The following SUGP1 variants were observed in gnomAD, a reference collection of about 807,000 sequenced individuals.
SUGP1 encodes the protein SURP and G-patch domain containing 1, also known as SURP and G-patch domain-containing protein 1.
SUGP1 carries 34 observed loss-of-function variants against 76.5 expected under a neutral mutation model. That is an observed-to-expected ratio of 0.44 (90% confidence interval 0.34 to 0.59). SUGP1 has a LOEUF of 0.59. Among genes scored for constraint, SUGP1 ranks in the 20% least tolerant of loss-of-function variants. SUGP1 has a pLI of 0.01. For missense variants in SUGP1, 752 were observed against 851.7 expected (o/e 0.88, Z 1.46); for synonymous variants, 326 against 326.2 (o/e 1.00, Z 0.01).
intron 2 of SUGP1, among the ~76,000 whole-genome samples, chr19:19,313,885 C>G (rs962021266): frequency 6.6e-6 from 1 of 152,064 alleles, no homozygotes; most frequent in Non-Finnish European, 1.5e-5. Context: ...TGCCTGTAAT[C>G]CTAGCACTTA....
chr19:19,277,253 G>GGT (rs891075731), intron 12 of SUGP1, among the ~76,000 whole-genome samples, 177 bp from the exon 13 acceptor site: 4 of 146,864 alleles, frequency 2.7e-5, no homozygotes, highest in Non-Finnish European at 6.1e-5. Context: ...GGGGCGGGCG[G>GGT]GGGGGGGGGG....
chr19:19,295,684 C>T (rs1006735120), intron 8 of SUGP1, among the ~76,000 whole-genome samples: 1 of 151,036 alleles, frequency 6.6e-6, no homozygotes, highest in Non-Finnish European at 1.5e-5. Flanking sequence ...GCACTGCAGC[C>T]TGGGCAACAG....
chr19:19,277,126 CG>C, intron 12 of SUGP1, 50 bp from the exon 13 acceptor site: 8 of 1,565,066 alleles, frequency 5.1e-6, no homozygotes, highest in Non-Finnish European at 3.4e-6. Flanking sequence ...GAACTCTGGC[CG>C]GGGGGCCGGG....
Position 19,312,379 on chromosome 19 carries a change from A to G in SUGP1, c.207-2179T>C, listed in dbSNP as rs914900801. ...AAATAAGGCTGTGATCACAGCACAC[A>G]CTCTACTTCTTCCATTTCCTACTGT... On this transcript the variant is annotated intron_variant, in intron 2 of 13. Transcript: ENST00000247001. Among the ~76,000 whole-genome samples the G allele has an allele frequency of 9.9e-5, 15 of 152,138 alleles. No individual in the cohort carries two copies. The East Asian group carries it at 1.4e-3, about 14-fold the overall frequency.
Position 19,281,977 on chromosome 19 carries a change from G to C in SUGP1, c.1244-1686C>G, listed in dbSNP as rs367788501. Reference sequence around the variant, plus strand: ...TTGTGCTTATCGTTGTCTGTCTCTTGAACTTTCTTTCATTTTTCCCGAGAT... The same window carrying C: ...TTGTGCTTATCGTTGTCTGTCTCTTCAACTTTCTTTCATTTTTCCCGAGAT... On this transcript the variant is annotated intron_variant, in intron 8 of 13. Transcript: ENST00000247001. 4.4e-4 allele frequency among the ~76,000 whole-genome samples: 67 copies of C among 152,128 alleles called. No homozygotes were observed. The South Asian group carries it at 4.8e-3, about 11-fold the overall frequency.
At chr19:19,311,140 C>G (rs894773127) in intron 2 of SUGP1, among the ~76,000 whole-genome samples, 2 of 151,244 alleles carry the variant, frequency 1.3e-5, no homozygotes, top group African/African-American at 2.4e-5. Flanking sequence ...AATGGTCCCA[C>G]CTCAGCCTCC....
rs1555788756 is a variant in SUGP1 at position 19,291,934 on chromosome 19, A to AC, written c.1243+5054_1243+5055insG. On this transcript the variant is annotated intron_variant, in intron 8 of 13. Coordinates refer to ENST00000247001, the MANE Select transcript of SUGP1 (RefSeq NM_172231.4). Reference sequence around the variant, plus strand: ...ACACACACACACACACACACACACAAAAGGGCCAAGAATTAGATAGCTTCA... The same window carrying AC: ...ACACACACACACACACACACACACAACAAGGGCCAAGAATTAGATAGCTTCA... Among the ~76,000 whole-genome samples, 319 of 97,948 alleles carry AC rather than the reference A, an allele frequency of 3.3e-3. 2 individuals are homozygous for AC. The East Asian group carries it at 0.042, about 13-fold the overall frequency. The allele number at this position is 97,948 out of a possible 152,430, so 64.3% of individuals were successfully genotyped here. A position where few individuals can be genotyped will look rare whatever the true frequency, so the allele number is the denominator to read the frequency against.
intron 8 of SUGP1, among the ~76,000 whole-genome samples, chr19:19,285,119 G>A (rs1238879256): frequency 2.6e-5 from 4 of 151,872 alleles, no homozygotes; most frequent in African/African-American, 2.4e-5. Context: ...CGCCCGCCTC[G>A]GCCTCCCAAA....
chr19:19,291,196 AAAG>A (rs1308147984), intron 8 of SUGP1, among the ~76,000 whole-genome samples: 8 of 152,246 alleles, frequency 5.3e-5, no homozygotes, highest in Non-Finnish European at 1.0e-4. Context: ...TGAGCTAGAA[AAAG>A]AAGATCAAAC....
intron 1 of SUGP1, among the ~76,000 whole-genome samples, 186 bp downstream of exon 1, chr19:19,320,277 G>C (rs575261331): frequency 6.6e-6 from 1 of 152,328 alleles, no homozygotes; most frequent in Admixed American, 6.5e-5. Context: ...CAAACCAAGC[G>C]GGGGCGGCCA....
rs375861366 is a variant in SUGP1, at chr19:19,320,443, G to A, written c.34+20C>T. 6.2e-7 allele frequency: 1 copy of A among 1,607,924 alleles called. No homozygotes were observed. Among genetic ancestry groups the A allele is most frequent in the Non-Finnish European group, 8.5e-7 (1 of 1,177,526 alleles). The stretch of plus-strand genomic sequence containing the variant: ...CCCAGGGACCCAGGCGGCCGCCTGA[G>A]AGGAGGCGGGGGCTGTTACCTGCAA... On this transcript the variant is annotated intron_variant, in intron 1 of 13. Transcript: ENST00000247001.
chr19:19,320,229 C>G (rs1599878770), intron 1 of SUGP1, among the ~76,000 whole-genome samples: 3 of 152,326 alleles, frequency 2.0e-5, no homozygotes, highest in Admixed American at 2.0e-4. Context: ...CAGGGCCGAG[C>G]CGGGTGGCGG....
intron 8 of SUGP1, among the ~76,000 whole-genome samples, chr19:19,291,584 C>A (rs907231424): frequency 6.6e-6 from 1 of 151,934 alleles, no homozygotes; most frequent in African/African-American, 2.4e-5. Context: ...TTCGAAAAAA[C>A]CTTCCAACAA....
At chr19:19,315,547 G>A (rs1423357882) in intron 2 of SUGP1, among the ~76,000 whole-genome samples, 1 of 152,164 alleles carries the variant, frequency 6.6e-6, no homozygotes, top group African/African-American at 2.4e-5. Flanking sequence ...AACCCTTGCT[G>A]AGCTATCATC....
chr19:19,311,344 A>C (rs1231956052), intron 2 of SUGP1, among the ~76,000 whole-genome samples: 9 of 93,410 alleles, frequency 9.6e-5, no homozygotes, highest in Admixed American at 1.3e-4. Flanking sequence ...TATACTTTGC[A>C]AAAAAAAAAA....
chr19:19,312,995 AAAAATAAATAAAT>A (rs1056969441), intron 2 of SUGP1, among the ~76,000 whole-genome samples: 7 of 151,480 alleles, frequency 4.6e-5, no homozygotes, highest in Middle Eastern at 6.9e-3. Context: ...ATCTCAAAAA[AAAAATAAATAAAT>A]AAAATAAATA....
At chr19:19,289,432 T>C (rs1203321795) in intron 8 of SUGP1, among the ~76,000 whole-genome samples, 1 of 151,536 alleles carries the variant, frequency 6.6e-6, no homozygotes, top group Non-Finnish European at 1.5e-5. Flanking sequence ...TGAAATCCCA[T>C]TTCTACTAAA....
rs541488677 is a variant in SUGP1, at chr19:19,305,640, C to T, written c.538+209G>A. 2.3e-3 allele frequency: 1,216 copies of T among 517,518 alleles called. 2 individuals carry two copies. The highest frequency in any genetic ancestry group is 3.4e-3 in the Non-Finnish European group (1,002 of 291,542). 32.1% of individuals were successfully genotyped at this position (517,518 alleles called of 1,614,324 possible). On this transcript the variant is annotated intron_variant, in intron 4 of 13. Coordinates refer to ENST00000247001, the MANE Select transcript of SUGP1 (RefSeq NM_172231.4). ...CGCTGCTCCCAAGATGAAGCCCACGCGCTGATGCCCAGCAACACCCCAGCC... is the reference window on the plus strand; with the variant it reads ...CGCTGCTCCCAAGATGAAGCCCACGTGCTGATGCCCAGCAACACCCCAGCC...
At chr19:19,314,594 C>T (rs2061378760) in intron 2 of SUGP1, among the ~76,000 whole-genome samples, 1 of 152,150 alleles carries the variant, frequency 6.6e-6, no homozygotes, top group African/African-American at 2.4e-5. Context: ...CCTGGGCCTG[C>T]CCCCATACTC....
Sources: allele counts gnomAD v4.1 joint callset (sites outside exome capture counted in the v4.1 genomes callset), GRCh38; gene constraint gnomAD v4.1.1; transcripts MANE v1.5; gene names NCBI Gene and HGNC (gene_info 2026-07-23, HGNC 2026-07-21).